MAML3: variants seen among roughly 807,000 people sequenced by gnomAD.
MAML3 encodes the protein mastermind like transcriptional coactivator 3.
A neutral mutation model predicts 101.9 loss-of-function variants in MAML3; 27 were observed. That is an observed-to-expected ratio of 0.27 (90% CI 0.20 to 0.37). MAML3 has a LOEUF of 0.37. MAML3 is among the 10% of genes least tolerant of loss of function. The pLI is 1.00. For missense variants in MAML3, 1,316 were observed against 1,444.9 expected (o/e 0.91, Z 1.45); for synonymous variants, 501 against 555.9 (o/e 0.90, Z 1.39).
chr4:139,815,424 A>T (rs568443729), intron 2 of MAML3, among the ~76,000 whole-genome samples: 1 of 152,344 alleles, frequency 6.6e-6, no homozygotes, highest in Non-Finnish European at 1.5e-5. Context: ...CAATTTTATG[A>T]GATATGGACT....
chr4:140,065,357 C>G (rs895966860), intron 1 of MAML3, among the ~76,000 whole-genome samples: 1 of 151,346 alleles, frequency 6.6e-6, no homozygotes, highest in South Asian at 2.1e-4. Flanking sequence ...TTTATAGAAG[C>G]GGAAAGAAAA....
At chr4:140,134,177 A>G (rs750162761) in intron 1 of MAML3, 4 of 456,740 alleles carry the variant, frequency 8.8e-6, no homozygotes, top group South Asian at 6.2e-5. Flanking sequence ...CATTTCTTAA[A>G]GGGAGAATAT....
intron 1 of MAML3, among the ~76,000 whole-genome samples, chr4:140,143,589 C>T (rs572317570): frequency 1.5e-3 from 228 of 152,146 alleles, no homozygotes; most frequent in East Asian, 9.7e-4. Flanking sequence ...GGTGAAACCC[C>T]GTCTCTACTA....
chr4:139,943,864 C>CTTTTT (rs10644498), intron 1 of MAML3, among the ~76,000 whole-genome samples: 2,763 of 65,756 alleles, frequency 0.042, 428 homozygotes, highest in African/African-American at 0.053. Flanking sequence ...CTAAAGACAA[C>CTTTTT]TTTTTTTTTT....
chr4:139,899,870 C>T (rs1462767892), intron 1 of MAML3, among the ~76,000 whole-genome samples: 4 of 152,162 alleles, frequency 2.6e-5, no homozygotes, highest in African/African-American at 4.8e-5. Context: ...TCCCAGAATG[C>T]GGCTTCCCTG....
Position 139,719,204 on chromosome 4 carries a change from A to C in MAML3, c.*119T>G. On this transcript the variant is annotated 3_prime_UTR_variant, in exon 5 of 5. Transcript: ENST00000509479. ...GGATCTTCCATTGTCAGCCAGCTGC[A>C]GTTTTGCTCAGTTTACGTGGGTCAA... is the stretch of plus-strand genomic sequence containing the variant. 8.7e-7 allele frequency: 1 copy of C among 1,142,884 alleles called. No individual in the cohort carries two copies. Among genetic ancestry groups the C allele is most frequent in the Non-Finnish European group, 1.2e-6 (1 of 832,292 alleles). 70.8% of individuals were successfully genotyped at this position (1,142,884 alleles called of 1,614,324 possible).
At chr4:139,935,331 G>A (rs973742524) in intron 1 of MAML3, among the ~76,000 whole-genome samples, 4 of 151,294 alleles carry the variant, frequency 2.6e-5, no homozygotes, top group Non-Finnish European at 5.9e-5. Context: ...TAATACCCAC[G>A]TTTCAGCAGA....
intron 1 of MAML3, among the ~76,000 whole-genome samples, chr4:139,984,305 T>C (rs1734497389): frequency 6.6e-6 from 1 of 152,114 alleles, no homozygotes; most frequent in Admixed American, 6.5e-5. Context: ...GATGGTGATA[T>C]CATCAAATAT....
intron 3 of MAML3, among the ~76,000 whole-genome samples, chr4:139,729,726 G>A (rs768517302): frequency 1.3e-5 from 2 of 152,230 alleles, no homozygotes; most frequent in Non-Finnish European, 2.9e-5. Flanking sequence ...TACAGTAGCA[G>A]TCTGCAGGGA....
chr4:139,729,156 C>CAAAAAAAAAAA (rs4057275), intron 3 of MAML3, among the ~76,000 whole-genome samples: 7 of 81,704 alleles, frequency 8.6e-5, no homozygotes, highest in East Asian at 4.0e-4. Flanking sequence ...GGAACAAAAG[C>CAAAAAAAAAAA]AAAAAAAAAA....
At chr4:139,824,807 C>T (rs1475752547) in intron 2 of MAML3, among the ~76,000 whole-genome samples, 2 of 152,116 alleles carry the variant, frequency 1.3e-5, no homozygotes, top group Admixed American at 6.5e-5. Context: ...CTGACGTGTT[C>T]GGATTCCTCC....
chr4:139,896,631 T>TGG (rs1732619944), intron 1 of MAML3, among the ~76,000 whole-genome samples: 1 of 121,358 alleles, frequency 8.2e-6, no homozygotes, highest in African/African-American at 2.6e-5. Flanking sequence ...TGTGTGTGTG[T>TGG]GGTATGTGGT....
intron 1 of MAML3, among the ~76,000 whole-genome samples, chr4:140,123,138 A>G (rs1021677796): frequency 6.7e-6 from 1 of 150,248 alleles, no homozygotes; most frequent in Non-Finnish European, 1.5e-5. Flanking sequence ...ATACAGCTAC[A>G]ATCAACAAAG....
At chr4:140,025,282 C>A (rs1726803756) in intron 1 of MAML3, among the ~76,000 whole-genome samples, 1 of 151,952 alleles carries the variant, frequency 6.6e-6, no homozygotes, top group African/African-American at 2.4e-5. Flanking sequence ...TGAGAAATAA[C>A]CTAAAGTAAA....
intron 1 of MAML3, among the ~76,000 whole-genome samples, chr4:140,108,223 T>G (rs1728383706): frequency 6.6e-6 from 1 of 152,064 alleles, no homozygotes; most frequent in Non-Finnish European, 1.5e-5. Context: ...CAGCCTGAAA[T>G]GCCCTTTCCT....
chr4:139,788,330 C>T (rs1178368875), intron 2 of MAML3, among the ~76,000 whole-genome samples: 1 of 152,110 alleles, frequency 6.6e-6, no homozygotes, highest in African/African-American at 2.4e-5. Flanking sequence ...TTCAAGGTGG[C>T]ATTTCTTTTA....
chr4:139,928,677 TG>T (rs1371380543), intron 1 of MAML3, among the ~76,000 whole-genome samples: 1 of 152,046 alleles, frequency 6.6e-6, no homozygotes, highest in Non-Finnish European at 1.5e-5. Flanking sequence ...GCTGTGTGTC[TG>T]GGTGGGAAAT....
chr4:140,074,724 T>C (rs1727739090), intron 1 of MAML3, among the ~76,000 whole-genome samples: 1 of 152,208 alleles, frequency 6.6e-6, no homozygotes, highest in Non-Finnish European at 1.5e-5. Flanking sequence ...TGATTGCTTA[T>C]AGGGGCCATA....
intron 1 of MAML3, among the ~76,000 whole-genome samples, chr4:140,150,319 AAGGTC>A (rs1357646268): frequency 6.6e-6 from 1 of 152,172 alleles, no homozygotes; most frequent in East Asian, 1.9e-4. Flanking sequence ...TCTTCCCAGT[AAGGTC>A]AGGAGGCTGG....
Sources: gnomAD v4.1 joint callset for allele counts (sites outside exome capture counted in the v4.1 genomes callset) on GRCh38, gnomAD v4.1.1 for gene constraint, MANE v1.5 for transcripts, NCBI Gene and HGNC (gene_info 2026-07-23, HGNC 2026-07-21) for gene names.